DMD: variants seen among roughly 807,000 people sequenced by gnomAD.
The protein encoded by DMD is mutant dystrophin.
DMD carries 63 observed loss-of-function variants against 330.1 expected under a neutral mutation model. The observed-to-expected ratio is 0.19, with a 90% CI of 0.16 to 0.24. The LOEUF (loss-of-function observed/expected upper bound fraction) is 0.24, where lower values mean the gene tolerates loss of function less well. DMD is among the 10% of genes least tolerant of loss of function. DMD has a pLI of 1.00. For synonymous variants in DMD, 1,223 were observed against 959.8 expected (o/e 1.27, Z -5.07); for missense variants, 3,344 against 2,684.1 (o/e 1.25, Z -5.43).
chrX:32,509,626 T>G (rs2045065740), intron 18 of DMD, among the ~76,000 whole-genome samples: 1 of 112,011 alleles, frequency 8.9e-6, no homozygotes, highest in Non-Finnish European at 1.9e-5. Context: ...GCTACTGCAT[T>G]CAATGACTGA....
intron 64 of DMD, among the ~76,000 whole-genome samples, chrX:31,214,082 A>G (rs1044535981): frequency 8.0e-5 from 9 of 113,143 alleles, no homozygotes; most frequent in Admixed American, 7.4e-4. Context: ...TTAAGTTCAG[A>G]ATTTCTTTCC....
intron 1 of DMD, among the ~76,000 whole-genome samples, chrX:33,094,490 T>A (rs2095128649): frequency 8.9e-6 from 1 of 111,878 alleles, no homozygotes; most frequent in Admixed American, 9.6e-5. Flanking sequence ...ATGTGCTATA[T>A]AAAATTACAT....
chrX:32,271,731 A>G (rs1163359878), intron 43 of DMD, among the ~76,000 whole-genome samples: 1 of 112,317 alleles, frequency 8.9e-6, no homozygotes, highest in African/African-American at 3.2e-5. Flanking sequence ...CTGTTCATGT[A>G]TCTCCAATTC....
chrX:32,597,185 CT>C (rs1315817306), intron 12 of DMD, among the ~76,000 whole-genome samples: 1 of 111,775 alleles, frequency 8.9e-6, no homozygotes, highest in Non-Finnish European at 1.9e-5. Flanking sequence ...CCTAGAGCAG[CT>C]TTTCATGAGC....
chrX:31,550,552 G>A (rs1036400497), intron 55 of DMD, among the ~76,000 whole-genome samples: 20 of 111,750 alleles, frequency 1.8e-4, no homozygotes, highest in African/African-American at 5.9e-4. Flanking sequence ...AAAGCATTGG[G>A]TCAGGTATTT....
At chrX:31,716,658 T>C (rs768333774) in intron 52 of DMD, among the ~76,000 whole-genome samples, 142 of 111,522 alleles carry the variant, frequency 1.3e-3, no homozygotes, top group Admixed American at 0.012. Context: ...GCATAGAAAT[T>C]AATGCCTCTG....
At chrX:32,114,495 C>T (rs1171010586) in intron 44 of DMD, among the ~76,000 whole-genome samples, 1 of 111,877 alleles carries the variant, frequency 8.9e-6, no homozygotes, top group Non-Finnish European at 1.9e-5. Context: ...TGTGAGACTT[C>T]TTAATATTTC....
chrX:33,312,658 G>C (rs1289037440), intron 1 of DMD, among the ~76,000 whole-genome samples: 3 of 111,606 alleles, frequency 2.7e-5, no homozygotes, highest in Non-Finnish European at 3.8e-5. Flanking sequence ...TTCCTCCCAG[G>C]AGAAATACAA....
Position 33,250,105 on chromosome X carries a change from ATATAT to A in DMD, c.7+89149_7+89153del, listed in dbSNP as rs1187443616. On this transcript the variant is annotated intron_variant, in intron 1 of 17. Transcript: ENST00000288447. The stretch of plus-strand genomic sequence containing the variant: ...ATTCATTATATATATATATATATAT[ATATAT>A]ATCAATGTACACTTGTATGTATGTA... 2.9e-3 allele frequency among the ~76,000 whole-genome samples: 285 copies of A among 98,241 alleles called. 9 individuals are homozygous for A. The highest frequency in any genetic ancestry group is 0.011 in the African/African-American group (269 of 24,056). The allele number at this position is 98,241 out of a possible 115,157, so 85.3% of individuals were successfully genotyped here. A position where few individuals can be genotyped will look rare whatever the true frequency, so the allele number is the denominator to read the frequency against.
intron 1 of DMD, among the ~76,000 whole-genome samples, chrX:33,177,632 C>T (rs1284346718): frequency 9.0e-6 from 1 of 111,060 alleles, no homozygotes; most frequent in Admixed American, 9.6e-5. Context: ...ATGATCCACC[C>T]GCCTCAGACT....
chrX:33,169,830 G>A (rs901829125), intron 1 of DMD, among the ~76,000 whole-genome samples: 4 of 109,120 alleles, frequency 3.7e-5, no homozygotes, highest in Non-Finnish European at 3.8e-5. Context: ...TTTTTTAATC[G>A]CTAGCCCCCC....
rs1457650987 is a variant in DMD at position 31,933,470 on chromosome X, A to G, written c.6615-1243T>C. ...TTATTCTTACATATTCGATTGTAAG[A>G]CAGCTGAACAAAATTGTTTGTGCTT... On this transcript the variant is annotated intron_variant, in intron 45 of 78. Transcript: ENST00000357033. Among the ~76,000 whole-genome samples the G allele has an allele frequency of 2.8e-5, 3 of 108,453 alleles. No individual in the cohort carries two copies. The Admixed American group carries it at 3.0e-4, about 11-fold the overall frequency. The allele number at this position is 108,453 out of a possible 115,157, so 94.2% of individuals were successfully genotyped here.
At chrX:32,980,593 C>T (rs990606574) in intron 2 of DMD, among the ~76,000 whole-genome samples, 1 of 109,976 alleles carries the variant, frequency 9.1e-6, no homozygotes, top group Non-Finnish European at 1.9e-5. Context: ...GTCCCCCAAA[C>T]GGTTCCTTCA....
chrX:32,545,450 T>C, intron 16 of DMD, 116 bp from the exon 17 acceptor site: 1 of 755,387 alleles, frequency 1.3e-6, no homozygotes. Flanking sequence ...TAGATTGACC[T>C]TCAGATCAAA....
At chrX:31,469,220 G>A (rs1013203647) in intron 59 of DMD, among the ~76,000 whole-genome samples, 1 of 111,470 alleles carries the variant, frequency 9.0e-6, no homozygotes, top group Admixed American at 9.6e-5. Flanking sequence ...TATGATGCTA[G>A]CTGGTTACTT....
chrX:32,275,683 T>C (rs1307731334), intron 43 of DMD, among the ~76,000 whole-genome samples: 1 of 112,156 alleles, frequency 8.9e-6, no homozygotes, highest in Non-Finnish European at 1.9e-5. Flanking sequence ...AAATGAATTC[T>C]ATCCAACTAG....
intron 47 of DMD, among the ~76,000 whole-genome samples, chrX:31,925,627 T>C (rs1294496089): frequency 3.6e-5 from 4 of 110,916 alleles, no homozygotes; most frequent in African/African-American, 9.8e-5. Flanking sequence ...ATATCAGCAA[T>C]TTGGGAGGCC....
intron 7 of DMD, among the ~76,000 whole-genome samples, chrX:32,719,065 C>G (rs1022717534): frequency 9.0e-6 from 1 of 111,542 alleles, no homozygotes; most frequent in South Asian, 3.8e-4. Flanking sequence ...AGAAGGTAGG[C>G]AAATAGGTGA....
intron 50 of DMD, among the ~76,000 whole-genome samples, chrX:31,807,126 T>C (rs767132332): frequency 9.9e-5 from 11 of 111,522 alleles, no homozygotes; most frequent in South Asian, 7.4e-4. Context: ...GTTTGTGTGA[T>C]TGATTGAAGT....
Sources: allele counts gnomAD v4.1 joint callset (sites outside exome capture counted in the v4.1 genomes callset), GRCh38; gene constraint gnomAD v4.1.1; transcripts MANE v1.5; gene names NCBI Gene and HGNC (gene_info 2026-07-23, HGNC 2026-07-21).